Variants in ROR2 observed in about 807,000 individuals in gnomAD.
The protein encoded by ROR2 is ROR family WNT receptor 2, also known as tyrosine-protein kinase transmembrane receptor ROR2.
A neutral mutation model predicts 74.9 loss-of-function variants in ROR2; 33 were observed. That is an observed-to-expected ratio of 0.44 (90% CI 0.33 to 0.59). The LOEUF is 0.59. ROR2 is among the 20% of genes least tolerant of loss of function. ROR2 has a pLI of 0.02. For missense variants in ROR2, 1,216 were observed against 1,313.8 expected (o/e 0.93, Z 1.15); for synonymous variants, 586 against 558.7 (o/e 1.05, Z -0.69).
In ROR2 at chr9:91,905,844, AAGAGC is replaced by A. The variant is rs1162727041; in HGVS notation, c.97+44018_97+44022del. Among the ~76,000 whole-genome samples the A allele has an allele frequency of 6.6e-6, 1 of 152,118 alleles. No individual in the cohort carries two copies. Among genetic ancestry groups the A allele is most frequent in the African/African-American group, 2.4e-5 (1 of 41,424 alleles). On this transcript the variant is annotated intron_variant, in intron 1 of 8. Transcript: ENST00000375708. This position sits in a 1 kb window ranked among gnomAD's most constrained non-coding sequence, Gnocchi z 5.3. ...AATCAACTTTTTTTTTTTAAGAGCT[AAGAGC>A]AGAGCCTCTCCTGGGGAATTCTTGA...
chr9:91,780,339 A>G (rs904605816), intron 1 of ROR2, among the ~76,000 whole-genome samples: 1 of 151,732 alleles, frequency 6.6e-6, no homozygotes, highest in African/African-American at 2.4e-5. Flanking sequence ...ATCACGCCAC[A>G]CTACTCCAGC....
At chr9:91,870,389 C>A (rs1829762722) in intron 1 of ROR2, among the ~76,000 whole-genome samples, 1 of 152,174 alleles carries the variant, frequency 6.6e-6, no homozygotes, top group Admixed American at 6.5e-5. Context: ...ATCAGGGAAC[C>A]AGTTGGCTGG....
At chr9:91,764,559 T>TACACACACACACACACACACACACAC (rs11405599) in intron 2 of ROR2, among the ~76,000 whole-genome samples, 5 of 147,612 alleles carry the variant, frequency 3.4e-5, no homozygotes, top group East Asian at 2.0e-4. Flanking sequence ...TATAATCACT[T>TACACACACACACACACACACACACAC]ACACACACAC....
At chr9:91,824,299 C>T (rs1463071319) in intron 1 of ROR2, among the ~76,000 whole-genome samples, 2 of 152,220 alleles carry the variant, frequency 1.3e-5, no homozygotes, top group Admixed American at 1.3e-4. Flanking sequence ...CTGTGGGGTT[C>T]CCCCAGCCAA....
intron 4 of ROR2, among the ~76,000 whole-genome samples, chr9:91,741,239 G>A (rs985795676): frequency 1.1e-4 from 16 of 151,720 alleles, no homozygotes; most frequent in Non-Finnish European, 2.4e-4. Flanking sequence ...GGCAGAGGTT[G>A]CAGTGAGCAG....
chr9:91,769,248 T>G (rs1352050165), intron 2 of ROR2, among the ~76,000 whole-genome samples: 1 of 152,054 alleles, frequency 6.6e-6, no homozygotes, highest in Non-Finnish European at 1.5e-5. Context: ...CCAGGGTGGA[T>G]GTGGATGTGG....
chr9:91,811,733 T>C (rs112074282), intron 1 of ROR2, among the ~76,000 whole-genome samples: 3,858 of 152,282 alleles, frequency 0.025, 162 homozygotes, highest in African/African-American at 0.088. Context: ...CTGCCCTGTT[T>C]CCCTGCACTC....
intron 1 of ROR2, among the ~76,000 whole-genome samples, chr9:91,857,303 C>T (rs1272837799): frequency 6.6e-6 from 1 of 152,186 alleles, no homozygotes; most frequent in Admixed American, 6.5e-5. Flanking sequence ...AGGAACCACC[C>T]GCAGCCAGGC....
At chr9:91,918,257 T>C (rs1417659090) in intron 1 of ROR2, among the ~76,000 whole-genome samples, 2 of 125,876 alleles carry the variant, frequency 1.6e-5, no homozygotes, top group Admixed American at 8.3e-5. Context: ...GACAGGAGAC[T>C]CGTCTCAAAA....
intron 1 of ROR2, among the ~76,000 whole-genome samples, chr9:91,796,132 G>C (rs920241678): frequency 6.6e-6 from 1 of 152,184 alleles, no homozygotes; most frequent in African/African-American, 2.4e-5. Context: ...CCCCAGGGAA[G>C]ATCTGTATGC....
At chr9:91,861,360 CA>C (rs1829463237) in intron 1 of ROR2, among the ~76,000 whole-genome samples, 1 of 152,192 alleles carries the variant, frequency 6.6e-6, no homozygotes. Flanking sequence ...TTGGAGGACT[CA>C]TAGACTTCTC....
chr9:91,903,486 T>C (rs1830725198), intron 1 of ROR2, among the ~76,000 whole-genome samples: 1 of 151,968 alleles, frequency 6.6e-6, no homozygotes, highest in Non-Finnish European at 1.5e-5. Context: ...TTTTTTTTTC[T>C]CCTCAAGTCA....
At chr9:91,843,782 C>T (rs1256529835) in intron 1 of ROR2, among the ~76,000 whole-genome samples, 1 of 152,254 alleles carries the variant, frequency 6.6e-6, no homozygotes, top group Admixed American at 6.5e-5. Context: ...CATGCCCCGC[C>T]TGGCTGGACC....
rs183664360 is a variant in ROR2, at chr9:91,800,472, G to A, written c.98-24654C>T. Among the ~76,000 whole-genome samples, 5 of 152,270 alleles carry A rather than the reference G, an allele frequency of 3.3e-5. No individual in the cohort carries two copies. In the East Asian group the frequency reaches 7.7e-4, roughly 23 times the overall value. The stretch of plus-strand genomic sequence containing the variant: ...GGGAACATGACAGTTGCTGACTGGA[G>A]AGAGACCTGAGATGTCCAGAAACGT... On this transcript the variant is annotated intron_variant, in intron 1 of 8. Coordinates refer to ENST00000375708, the MANE Select transcript of ROR2 (RefSeq NM_004560.4).
At chr9:91,834,202 C>A (rs1352229879) in intron 1 of ROR2, among the ~76,000 whole-genome samples, 1 of 152,212 alleles carries the variant, frequency 6.6e-6, no homozygotes, top group Non-Finnish European at 1.5e-5. Flanking sequence ...AAACTGTGGG[C>A]TACGGGAGCC....
At chr9:91,924,011 T>A (rs1042273622) in intron 1 of ROR2, 3 of 152,272 alleles carry the variant, frequency 2.0e-5, no homozygotes, top group Non-Finnish European at 4.4e-5. Context: ...GCATCCCAAT[T>A]GCAGTCCATA....
intron 1 of ROR2, among the ~76,000 whole-genome samples, chr9:91,858,517 A>G (rs894433344): frequency 6.6e-6 from 1 of 152,210 alleles, no homozygotes; most frequent in Non-Finnish European, 1.5e-5. Flanking sequence ...GAAAGGCAGA[A>G]TCTCAGACTC....
At chr9:91,894,208 C>T (rs1314665094) in intron 1 of ROR2, among the ~76,000 whole-genome samples, 6 of 152,316 alleles carry the variant, frequency 3.9e-5, no homozygotes, top group African/African-American at 1.4e-4. Context: ...AGCCACGGGG[C>T]CTTTGCACTG....
chr9:91,776,124 G>C (rs1409839820), intron 1 of ROR2, among the ~76,000 whole-genome samples: 1 of 152,216 alleles, frequency 6.6e-6, no homozygotes, highest in Admixed American at 6.5e-5. Flanking sequence ...GCGGGAAGGA[G>C]AGGGAGAGAA....
Sources: gnomAD v4.1 joint callset for allele counts (sites outside exome capture counted in the v4.1 genomes callset) on GRCh38, gnomAD v4.1.1 for gene constraint, Gnocchi (gnomAD v3.1) non-coding constraint, MANE v1.5 for transcripts, NCBI Gene and HGNC (gene_info 2026-07-23, HGNC 2026-07-21) for gene names.